The following GRIN2B variants were observed in gnomAD, a reference collection of about 807,000 sequenced individuals.
The protein encoded by GRIN2B is glutamate receptor ionotropic, NMDA 2B.
In GRIN2B, 5 loss-of-function variants were observed where a neutral mutation model predicts 114.5. The ratio of observed to expected loss-of-function variants is 0.04; its 90% CI spans 0.02 to 0.09. The LOEUF (loss-of-function observed/expected upper bound fraction) is 0.09, where lower values mean the gene tolerates loss of function less well. Among genes scored for constraint, GRIN2B ranks in the 10% least tolerant of loss-of-function variants. The pLI, the probability that GRIN2B is intolerant of heterozygous loss-of-function variation, is 1.00. For synonymous variants in GRIN2B, 787 were observed against 745.1 expected, an observed-to-expected ratio of 1.06 and a Z score of -0.92; for missense variants, 1,108 against 1,943.5, an observed-to-expected ratio of 0.57 and a Z score of 8.08.
intron 5 of GRIN2B, among the ~76,000 whole-genome samples, chr12:13,630,065 G>A (rs1338341069): frequency 6.6e-6 from 1 of 152,098 alleles, no homozygotes; most frequent in East Asian, 1.9e-4. Flanking sequence ...TCAATGGCAG[G>A]GACTGAATAT....
intron 10 of GRIN2B, 55 bp from the exon 11 acceptor site, chr12:13,572,019 A>G (rs1948715393): frequency 1.4e-6 from 2 of 1,409,270 alleles, no homozygotes; most frequent in Non-Finnish European, 2.0e-6. Flanking sequence ...AGAGAGAGAG[A>G]GAAAAGTCAT....
rs373442188 is a variant in GRIN2B, at chr12:13,927,302, G to C, written c.-19+52626C>G. Among the ~76,000 whole-genome samples, 161 of 152,246 alleles carry C rather than the reference G, an allele frequency of 1.1e-3. 5 individuals carry two copies. In the South Asian group the frequency reaches 0.027, roughly 26 times the overall value. ...TTTCCCTGGAGGTTAAGAAATCTTT[G>C]AGAAGAGCTGCTATCGGGGGTTTAA... On this transcript the variant is annotated intron_variant, in intron 2 of 13. Transcript: ENST00000609686.
chr12:13,980,016 T>A lies in GRIN2B; in HGVS notation c.-107A>T, dbSNP rs553930487. ...CCAGTCCCTTCTTCTCGCTTGCATATCCACATAAGAAAGACGAAGGATAAA... is the reference window on the plus strand; with the variant it reads ...CCAGTCCCTTCTTCTCGCTTGCATAACCACATAAGAAAGACGAAGGATAAA... On this transcript the variant is annotated 5_prime_UTR_variant, in exon 2 of 14. Transcript: ENST00000609686. The A allele has an allele frequency of 6.6e-6, 1 of 152,226 alleles. No individual in the cohort carries two copies. The highest frequency in any genetic ancestry group is 2.1e-4 in the South Asian group (1 of 4,818). The allele number at this position is 152,226 out of a possible 1,614,324, so 9.4% of individuals were successfully genotyped here.
chr12:13,914,612 T>A (rs1866680491), intron 2 of GRIN2B, among the ~76,000 whole-genome samples: 1 of 152,192 alleles, frequency 6.6e-6, no homozygotes, highest in South Asian at 2.1e-4. Flanking sequence ...CAAAGAGATG[T>A]CTGCACTCCT....
At chr12:13,617,090 T>C (rs539631815) in intron 5 of GRIN2B, among the ~76,000 whole-genome samples, 85 of 152,234 alleles carry the variant, frequency 5.6e-4, no homozygotes, top group African/African-American at 2.0e-3. Context: ...ACAAGGAGCA[T>C]GATGGTGAGA....
At chr12:13,728,816 T>C (rs1478644361) in intron 4 of GRIN2B, among the ~76,000 whole-genome samples, 3 of 152,202 alleles carry the variant, frequency 2.0e-5, no homozygotes, top group Non-Finnish European at 4.4e-5. Context: ...CTGTAAGTTG[T>C]TTAACTCTAG....
intron 4 of GRIN2B, among the ~76,000 whole-genome samples, chr12:13,744,986 A>T (rs1295495254): frequency 6.6e-6 from 1 of 152,162 alleles, no homozygotes; most frequent in Non-Finnish European, 1.5e-5. Context: ...CTTATCGGCC[A>T]CATCAGATCC....
chr12:13,932,996 T>TGC lies in GRIN2B; in HGVS notation c.-19+46931_-19+46932insGC, dbSNP rs1565591660. ...GTGTGTGTGTGTGTGTGCGTGTGCG[T>TGC]GTGTGTGTGTTTGTGTGAATGGCCA... On this transcript the variant is annotated intron_variant, in intron 2 of 13. Transcript: ENST00000609686. 4.6e-3 allele frequency among the ~76,000 whole-genome samples: 611 copies of TGC among 131,840 alleles called. 4 individuals are homozygous for TGC. The highest frequency in any genetic ancestry group is 0.02 in the African/African-American group (596 of 30,506). The allele number at this position is 131,840 out of a possible 152,430, so 86.5% of individuals were successfully genotyped here.
chr12:13,594,450 C>T (rs1949047415), intron 10 of GRIN2B, among the ~76,000 whole-genome samples: 1 of 150,166 alleles, frequency 6.7e-6, no homozygotes, highest in Admixed American at 6.6e-5. Flanking sequence ...CACATGTTCT[C>T]ATTCATAAGT....
At chr12:13,570,769 A>G (rs1218706361) in intron 11 of GRIN2B, among the ~76,000 whole-genome samples, 1 of 152,270 alleles carries the variant, frequency 6.6e-6, no homozygotes, top group Non-Finnish European at 1.5e-5. Context: ...ATTTAAACAT[A>G]TCAAAGGTAG....
At chr12:13,876,643 A>G (rs1008307394) in intron 2 of GRIN2B, among the ~76,000 whole-genome samples, 1 of 152,180 alleles carries the variant, frequency 6.6e-6, no homozygotes, top group South Asian at 2.1e-4. Context: ...TACAACTATC[A>G]TATTACTGAC....
In GRIN2B at chr12:13,555,402, T is replaced by C. The variant is rs1351103190; in HGVS notation, c.*7381A>G. ...GAAGTGGAGAAAGAAAGACTACCCT[T>C]TTGAGAAGTTGGGAAGTGAAAAGAT... On this transcript the variant is annotated 3_prime_UTR_variant, in exon 14 of 14. Transcript: ENST00000609686. 6.6e-6 allele frequency: 1 copy of C among 152,138 alleles called. No homozygotes were observed. The highest frequency in any genetic ancestry group is 1.5e-5 in the Non-Finnish European group (1 of 68,048). The allele number at this position is 152,138 out of a possible 1,614,324, so 9.4% of individuals were successfully genotyped here.
intron 2 of GRIN2B, among the ~76,000 whole-genome samples, chr12:13,905,191 C>A (rs1171423745): frequency 6.6e-6 from 1 of 152,036 alleles, no homozygotes; most frequent in Non-Finnish European, 1.5e-5. Context: ...TTTTTTCTGC[C>A]TATTTTCTCT....
intron 10 of GRIN2B, among the ~76,000 whole-genome samples, chr12:13,590,753 G>A (rs1369550844): frequency 1.3e-5 from 2 of 152,202 alleles, no homozygotes; most frequent in African/African-American, 4.8e-5. Context: ...TAATCCTTTG[G>A]GCATATACCC....
chr12:13,571,587 T>C (rs1410265485), intron 11 of GRIN2B, among the ~76,000 whole-genome samples: 1 of 152,186 alleles, frequency 6.6e-6, no homozygotes, highest in Non-Finnish European at 1.5e-5. Context: ...GAAAATAATT[T>C]GTAAAAAAAA....
chr12:13,753,354 G>T lies in GRIN2B; in HGVS notation c.973C>A (p.His325Asn). ...PEPKSSCYNT[H>N]EKRIYQSNML... Reference sequence around the variant, plus strand: ...TTGGACTGGTAGATTCTCTTCTCGTGGGTGTTGTAACAACTGCTTTTGGGC... The same window carrying T: ...TTGGACTGGTAGATTCTCTTCTCGTTGGTGTTGTAACAACTGCTTTTGGGC... The change falls in exon 4 of 14, where the codon CAC becomes AAC. Residue 325 changes from histidine (H) to asparagine (N), a missense_variant. By Grantham distance (68) the His-to-Asn change is moderately conservative (BLOSUM62 1). Around this residue, in one of 19 missense-constraint regions of GRIN2B, gnomAD observed 199 missense variants for 439.6 expected, o/e 0.45. Coordinates refer to ENST00000609686, the MANE Select transcript of GRIN2B (RefSeq NM_000834.5). This position sits in a 1 kb window ranked among gnomAD's most constrained non-coding sequence, Gnocchi z 6.2. The T allele has an allele frequency of 6.2e-7, 1 of 1,609,494 alleles. No homozygotes were observed. Among genetic ancestry groups the T allele is most frequent in the East Asian group, 2.2e-5 (1 of 44,862 alleles).
intron 10 of GRIN2B, among the ~76,000 whole-genome samples, chr12:13,590,810 C>A (rs1948999844): frequency 6.6e-6 from 1 of 152,120 alleles, no homozygotes; most frequent in Admixed American, 6.6e-5. Context: ...TTTGCCCACT[C>A]CTGTGAGAAA....
chr12:13,787,963 G>C (rs1377589861), intron 3 of GRIN2B, among the ~76,000 whole-genome samples: 4 of 152,172 alleles, frequency 2.6e-5, no homozygotes, highest in Non-Finnish European at 5.9e-5. Context: ...AATACACCAG[G>C]AAGATTCTTC....
chr12:13,653,419 C>G (rs1050168456), intron 5 of GRIN2B, among the ~76,000 whole-genome samples: 1 of 152,034 alleles, frequency 6.6e-6, no homozygotes, highest in African/African-American at 2.4e-5. Context: ...TTTAGACAGG[C>G]ATTTTTCATG....
Sources: allele counts gnomAD v4.1 joint callset (sites outside exome capture counted in the v4.1 genomes callset), GRCh38; gene constraint gnomAD v4.1.1; regional missense constraint gnomAD v4.1.1; non-coding constraint Gnocchi (gnomAD v3.1); transcripts MANE v1.5; gene names NCBI Gene and HGNC (gene_info 2026-07-23, HGNC 2026-07-21).